The following ATRNL1 variants were observed in gnomAD, a reference collection of about 807,000 sequenced individuals.
The protein encoded by ATRNL1 is attractin like 1.
ATRNL1 carries 95 observed loss-of-function variants against 182.7 expected under a neutral mutation model. The observed-to-expected ratio is 0.52, with a 90% CI of 0.44 to 0.62. The LOEUF (loss-of-function observed/expected upper bound fraction) is 0.62, where lower values mean the gene tolerates loss of function less well. Ranked by LOEUF, ATRNL1 falls within the 20% of genes least tolerant of loss-of-function variation. ATRNL1 has a pLI of 0.00. For missense variants in ATRNL1, 1,471 were observed against 1,679.5 expected (o/e 0.88, Z 2.17); for synonymous variants, 576 against 568.3 (o/e 1.01, Z -0.19).
At chr10:115,450,048 A>G (rs782782181) in intron 21 of ATRNL1, among the ~76,000 whole-genome samples, 25 of 152,214 alleles carry the variant, frequency 1.6e-4, no homozygotes, top group Non-Finnish European at 2.9e-4. Context: ...AACTAAAGAC[A>G]GAAACAACAT....
intron 1 of ATRNL1, 82 bp from the exon 2 acceptor site, chr10:115,120,103 G>T: frequency 1.2e-6 from 1 of 820,830 alleles, no homozygotes; most frequent in South Asian, 1.7e-5. Flanking sequence ...TTGGCTTAAT[G>T]ACTTTTAAAT....
chr10:115,749,066 A>G (rs1555069963), intron 27 of ATRNL1, among the ~76,000 whole-genome samples: 1 of 151,958 alleles, frequency 6.6e-6, no homozygotes, highest in Non-Finnish European at 1.5e-5. Context: ...GATGAACCAC[A>G]GAGCTCAATA....
intron 24 of ATRNL1, among the ~76,000 whole-genome samples, chr10:115,472,521 A>C (rs1848354051): frequency 6.6e-6 from 1 of 151,018 alleles, no homozygotes; most frequent in African/African-American, 2.4e-5. Context: ...AATTTCTTTC[A>C]TCAATGCTTT....
rs138252590 is a variant in ATRNL1 at position 115,696,870 on chromosome 10, C to CGAGAGAGA, written c.3796-30356_3796-30349dup. Among the ~76,000 whole-genome samples, 220 of 134,028 alleles carry CGAGAGAGA rather than the reference C, an allele frequency of 1.6e-3. 2 individuals are homozygous for CGAGAGAGA. The highest frequency in any genetic ancestry group is 5.1e-3 in the African/African-American group (180 of 35,612). The allele number at this position is 134,028 out of a possible 152,430, so 87.9% of individuals were successfully genotyped here. ...CAGGTACAGTCATCACATATCAGAGCGAGAGAGAGAGAGAGAGAGAGAGAG... is the reference window on the plus strand; with the variant it reads ...CAGGTACAGTCATCACATATCAGAGCGAGAGAGAGAGAGAGAGAGAGAGAGAGAGAGAG... On this transcript the variant is annotated intron_variant, in intron 26 of 28. Coordinates refer to ENST00000355044, the MANE Select transcript of ATRNL1 (RefSeq NM_207303.4).
chr10:115,421,974 G>A (rs1554962010), intron 20 of ATRNL1, among the ~76,000 whole-genome samples: 1 of 152,120 alleles, frequency 6.6e-6, no homozygotes, highest in African/African-American at 2.4e-5. Context: ...AAATGGTGCT[G>A]TAATACCTGG....
chr10:115,182,749 C>T (rs901997781), intron 8 of ATRNL1, among the ~76,000 whole-genome samples: 1 of 151,254 alleles, frequency 6.6e-6, no homozygotes, highest in Non-Finnish European at 1.5e-5. Flanking sequence ...CCACAATTCA[C>T]CACAATGATA....
At chr10:115,257,053 A>T (rs1554907192) in intron 10 of ATRNL1, among the ~76,000 whole-genome samples, 2 of 152,124 alleles carry the variant, frequency 1.3e-5, no homozygotes, top group Non-Finnish European at 2.9e-5. Flanking sequence ...ATTTCTAATT[A>T]TGTGGTCAAC....
chr10:115,290,551 G>A (rs1852850044), intron 15 of ATRNL1, among the ~76,000 whole-genome samples: 1 of 152,154 alleles, frequency 6.6e-6, no homozygotes, highest in Non-Finnish European at 1.5e-5. Flanking sequence ...AGCCACTTCC[G>A]AGGCTGAGGC....
chr10:115,817,877 G>GTTTTTTTT (rs35087740), intron 27 of ATRNL1, among the ~76,000 whole-genome samples: 1 of 133,882 alleles, frequency 7.5e-6, no homozygotes, highest in African/African-American at 2.8e-5. Context: ...TTTACGTTGT[G>GTTTTTTTT]TTTTTTTTTT....
At chr10:115,924,687 C>G (rs1391676370) in intron 28 of ATRNL1, among the ~76,000 whole-genome samples, 1 of 152,148 alleles carries the variant, frequency 6.6e-6, no homozygotes, top group South Asian at 2.1e-4. Flanking sequence ...TAGTCTGATG[C>G]CTCCAGCGTT....
chr10:115,265,235 G>A lies in ATRNL1; in HGVS notation c.1730G>A (p.Arg577Lys). The change falls in exon 11 of 29, where the codon AGA becomes AAA. Residue 577 changes from arginine (R) to lysine (K), a missense_variant. Physicochemically the swap from Arg to Lys is conservative, Grantham distance 26. Transcript: ENST00000355044. ...ATACTACCAAAACCAAATCTTCATA[G>A]AGATGTCAACAGATTTGGACACTCT... ...WKILPKPNLHRDVNRFGHSAV... is the reference protein window; with the variant it reads ...WKILPKPNLHKDVNRFGHSAV... 2 of 1,608,452 alleles carry A rather than the reference G, an allele frequency of 1.2e-6. No individual in the cohort carries two copies. The highest frequency in any genetic ancestry group is 8.5e-7 in the Non-Finnish European group (1 of 1,176,746).
chr10:115,533,138 CCT>C (rs1377556454), intron 25 of ATRNL1, among the ~76,000 whole-genome samples: 5 of 152,208 alleles, frequency 3.3e-5, no homozygotes, highest in African/African-American at 1.2e-4. Context: ...GGGAGGATTC[CCT>C]CTTTTTCTAT....
chr10:115,588,435 T>G (rs1555011003), intron 26 of ATRNL1, among the ~76,000 whole-genome samples: 8 of 152,222 alleles, frequency 5.3e-5, no homozygotes, highest in Non-Finnish European at 2.9e-5. Context: ...TGTTCCTCTG[T>G]CAAAAGCCAA....
At chr10:115,708,755 A>G (rs770827950) in intron 26 of ATRNL1, among the ~76,000 whole-genome samples, 1 of 151,794 alleles carries the variant, frequency 6.6e-6, no homozygotes, top group Non-Finnish European at 1.5e-5. Flanking sequence ...GAAAATTGCT[A>G]AAGGATATCA....
At chr10:115,493,003 T>A (rs1473170654) in intron 24 of ATRNL1, among the ~76,000 whole-genome samples, 3 of 152,156 alleles carry the variant, frequency 2.0e-5, no homozygotes, top group African/African-American at 7.2e-5. Context: ...CATATGTATA[T>A]GTAAAACAAC....
rs143863271 is a variant in ATRNL1, at chr10:115,212,587, A to G, written c.1349-3110A>G. Among the ~76,000 whole-genome samples, 621 of 152,226 alleles carry G rather than the reference A, an allele frequency of 4.1e-3. 2 individuals carry two copies. The highest frequency in any genetic ancestry group is 0.013 in the African/African-American group (540 of 41,572). ...TTGCCAGCACTATTCACAATAGCAA[A>G]GAATCAATCTAAATGCCCATCAATG... On this transcript the variant is annotated intron_variant, in intron 8 of 28. Coordinates refer to ENST00000355044, the MANE Select transcript of ATRNL1 (RefSeq NM_207303.4).
intron 19 of ATRNL1, among the ~76,000 whole-genome samples, chr10:115,367,837 T>A (rs1384299830): frequency 1.4e-5 from 2 of 146,454 alleles, no homozygotes; most frequent in Non-Finnish European, 3.0e-5. Flanking sequence ...TGCTCGGGGG[T>A]CAGGGGTCAG....
chr10:115,872,964 C>T (rs1461459323), intron 28 of ATRNL1, among the ~76,000 whole-genome samples: 1 of 152,210 alleles, frequency 6.6e-6, no homozygotes, highest in African/African-American at 2.4e-5. Context: ...TCTAGCTGAA[C>T]ACACTATTTA....
At chr10:115,670,983 A>G (rs1159078622) in intron 26 of ATRNL1, among the ~76,000 whole-genome samples, 1 of 152,144 alleles carries the variant, frequency 6.6e-6, no homozygotes, top group Non-Finnish European at 1.5e-5. Flanking sequence ...ATCCTGCTGA[A>G]GAGGTTAAGG....
Sources: gnomAD v4.1 joint callset for allele counts (sites outside exome capture counted in the v4.1 genomes callset) on GRCh38, gnomAD v4.1.1 for gene constraint, MANE v1.5 for transcripts, NCBI Gene and HGNC (gene_info 2026-07-23, HGNC 2026-07-21) for gene names.